Variants in SETBP1 observed in about 807,000 individuals in gnomAD.
The protein encoded by SETBP1 is SET binding protein 1, also known as SET-binding protein.
A neutral mutation model predicts 101.0 loss-of-function variants in SETBP1; 9 were observed. That is an observed-to-expected ratio of 0.09 (90% CI 0.05 to 0.16). The LOEUF is 0.16. SETBP1 is among the 10% of genes least tolerant of loss of function. The pLI, the probability that SETBP1 is intolerant of heterozygous loss-of-function variation, is 1.00. For synonymous variants in SETBP1, 818 were observed against 788.5 expected (o/e 1.04, Z -0.63); for missense variants, 1,858 against 2,033.8 (o/e 0.91, Z 1.66).
chr18:44,714,190 G>C (rs1185644456), intron 2 of SETBP1, among the ~76,000 whole-genome samples: 1 of 152,000 alleles, frequency 6.6e-6, no homozygotes, highest in Non-Finnish European at 1.5e-5. Flanking sequence ...TGTTAAACAA[G>C]TTCTTCTTAG....
intron 3 of SETBP1, among the ~76,000 whole-genome samples, chr18:44,919,867 A>G (rs1026522769): frequency 6.6e-6 from 1 of 152,138 alleles, no homozygotes; most frequent in African/African-American, 2.4e-5. Flanking sequence ...TGTCAGATAT[A>G]TCTCTGTCTG....
chr18:44,813,407 A>G (rs185871823), intron 2 of SETBP1, among the ~76,000 whole-genome samples: 1 of 152,300 alleles, frequency 6.6e-6, no homozygotes, highest in East Asian at 1.9e-4. Flanking sequence ...AGGGCTGGAA[A>G]GAAAGAAGCC....
At chr18:44,732,407 C>CA (rs942186649) in intron 2 of SETBP1, among the ~76,000 whole-genome samples, 2 of 152,182 alleles carry the variant, frequency 1.3e-5, no homozygotes, top group African/African-American at 4.8e-5. Flanking sequence ...GCTGAGCAGA[C>CA]ATCCAGTAAA....
At chr18:44,751,038 G>C (rs2070370054) in intron 2 of SETBP1, among the ~76,000 whole-genome samples, 1 of 152,134 alleles carries the variant, frequency 6.6e-6, no homozygotes, top group African/African-American at 2.4e-5. Context: ...GGTCAGCCTG[G>C]TATTTGGGGG....
chr18:44,700,460 TTC>T (rs971548528), intron 1 of SETBP1, among the ~76,000 whole-genome samples: 1 of 152,204 alleles, frequency 6.6e-6, no homozygotes, highest in Non-Finnish European at 1.5e-5. Context: ...ATGATTAAAT[TTC>T]TCTCTTTTGT....
intron 3 of SETBP1, among the ~76,000 whole-genome samples, chr18:44,933,434 A>C (rs1478185322): frequency 2.0e-5 from 3 of 152,226 alleles, no homozygotes; most frequent in African/African-American, 7.2e-5. Context: ...GTCCATTCTC[A>C]GATCTCAAAC....
At chr18:44,818,970 ATG>A (rs34458305) in intron 2 of SETBP1, among the ~76,000 whole-genome samples, 646 of 148,464 alleles carry the variant, frequency 4.4e-3, no homozygotes, top group African/African-American at 8.2e-3. Flanking sequence ...ATTTCACTGA[ATG>A]TGTGTGTGTG....
At chr18:44,958,876 A>G (rs1599378569) in intron 4 of SETBP1, among the ~76,000 whole-genome samples, 1 of 152,158 alleles carries the variant, frequency 6.6e-6, no homozygotes, top group South Asian at 2.1e-4. Context: ...CTGTCTTAAC[A>G]ATTGCACATA....
intron 4 of SETBP1, among the ~76,000 whole-genome samples, chr18:44,990,544 A>C (rs2072343501): frequency 6.6e-6 from 1 of 151,992 alleles, no homozygotes; most frequent in Non-Finnish European, 1.5e-5. Context: ...GTGAGTTATA[A>C]TCATGTCACT....
intron 3 of SETBP1, among the ~76,000 whole-genome samples, chr18:44,924,927 G>A (rs775322483): frequency 1.6e-4 from 24 of 150,832 alleles, no homozygotes; most frequent in South Asian, 8.4e-4. Flanking sequence ...CAGGACGGCA[G>A]TTCAGGATAG....
At chr18:44,858,885 A>C (rs2073025255) in intron 2 of SETBP1, among the ~76,000 whole-genome samples, 1 of 152,182 alleles carries the variant, frequency 6.6e-6, no homozygotes, top group South Asian at 2.1e-4. Flanking sequence ...AAAAGTAATA[A>C]TTGCCCACCT....
chr18:45,004,679 G>T (rs1057129032), intron 4 of SETBP1, among the ~76,000 whole-genome samples: 4 of 152,194 alleles, frequency 2.6e-5, no homozygotes. Flanking sequence ...GGCAGCCCCA[G>T]GCCCAGTGTT....
In SETBP1 at chr18:44,795,554, GTGATTATTATCTGATGAAAACC is replaced by G. The variant is rs1300976271; in HGVS notation, c.487-73672_487-73651del. ...AACTCATCTACTGGTTACATCCAGGGTGATTATTATCTGATGAAAACCTGAAGAATGTTTTTAAGGTGGAAAA... is the reference window on the plus strand; with the variant it reads ...AACTCATCTACTGGTTACATCCAGGGTGAAGAATGTTTTTAAGGTGGAAAA... On this transcript the variant is annotated intron_variant, in intron 2 of 5. Transcript: ENST00000649279. 3.9e-5 allele frequency among the ~76,000 whole-genome samples: 6 copies of G among 152,192 alleles called. No individual in the cohort carries two copies. In the East Asian group the frequency reaches 1.2e-3, roughly 29 times the overall value.
chr18:44,709,262 C>A (rs1047917179), intron 2 of SETBP1, among the ~76,000 whole-genome samples: 1 of 152,094 alleles, frequency 6.6e-6, no homozygotes, highest in Non-Finnish European at 1.5e-5. Flanking sequence ...GGCAGAGTAA[C>A]CAGCAAAAAC....
At chr18:45,007,934 A>G (rs1339070610) in intron 4 of SETBP1, among the ~76,000 whole-genome samples, 1 of 152,166 alleles carries the variant, frequency 6.6e-6, no homozygotes, top group Non-Finnish European at 1.5e-5. Context: ...AAGCCTTCTG[A>G]AGGAATGATC....
chr18:44,842,849 G>A (rs2072646151), intron 2 of SETBP1, among the ~76,000 whole-genome samples: 1 of 152,210 alleles, frequency 6.6e-6, no homozygotes, highest in African/African-American at 2.4e-5. Context: ...TACAGATGCA[G>A]CCCTGATCCC....
At chr18:45,049,528 C>T (rs1163790067) in intron 5 of SETBP1, among the ~76,000 whole-genome samples, 2 of 152,148 alleles carry the variant, frequency 1.3e-5, no homozygotes, top group African/African-American at 4.8e-5. Context: ...CTTTATGAAA[C>T]TGTCATCTTT....
At chr18:44,688,539 A>T (rs1598991236) in intron 1 of SETBP1, among the ~76,000 whole-genome samples, 1 of 145,656 alleles carries the variant, frequency 6.9e-6, no homozygotes, top group Non-Finnish European at 1.5e-5. Context: ...TGCAACCTCC[A>T]CCTCCTGGGT....
At chr18:44,810,182 A>T in intron 2 of SETBP1, among the ~76,000 whole-genome samples, 1 of 152,276 alleles carries the variant, frequency 6.6e-6, no homozygotes, top group Non-Finnish European at 1.5e-5. Context: ...ATTCTCCCAT[A>T]TGGGGTCTCC....
Sources: allele counts gnomAD v4.1 joint callset (sites outside exome capture counted in the v4.1 genomes callset), GRCh38; gene constraint gnomAD v4.1.1; transcripts MANE v1.5; gene names NCBI Gene and HGNC (gene_info 2026-07-23, HGNC 2026-07-21).